RIT2: variants seen among roughly 807,000 people sequenced by gnomAD.
RIT2 encodes GTP-binding protein Rit2.
A neutral mutation model predicts 23.7 loss-of-function variants in RIT2; 24 were observed. The ratio of observed to expected loss-of-function variants is 1.01; its 90% CI spans 0.73 to 1.43. The LOEUF (loss-of-function observed/expected upper bound fraction) is 1.43, where lower values mean the gene tolerates loss of function less well. Among genes scored for constraint, RIT2 ranks in the 40% most tolerant of loss-of-function variants. The pLI is 0.00. For missense variants in RIT2, 236 were observed against 266.9 expected (o/e 0.88, Z 0.81); for synonymous variants, 107 against 91.1 (o/e 1.17, Z -0.99).
intron 4 of RIT2, among the ~76,000 whole-genome samples, chr18:42,826,439 AC>A (rs757378859): frequency 1.3e-4 from 20 of 152,220 alleles, no homozygotes; most frequent in South Asian, 2.1e-4. Flanking sequence ...ATGCAAAAAA[AC>A]ATTTCATAAA....
At chr18:42,974,793 C>T (rs998134712) in intron 2 of RIT2, among the ~76,000 whole-genome samples, 1 of 152,066 alleles carries the variant, frequency 6.6e-6, no homozygotes, top group Non-Finnish European at 1.5e-5. Flanking sequence ...ATTAAGAAAT[C>T]AATTTCATTT....
At chr18:42,996,003 T>C (rs1053877268) in intron 2 of RIT2, among the ~76,000 whole-genome samples, 4 of 152,192 alleles carry the variant, frequency 2.6e-5, no homozygotes, top group African/African-American at 9.7e-5. Context: ...AGTAAATAAA[T>C]AATCTTTGCT....
chr18:42,790,397 T>A (rs552575512), intron 4 of RIT2, among the ~76,000 whole-genome samples: 1 of 152,166 alleles, frequency 6.6e-6, no homozygotes. Flanking sequence ...GAAAAAAACA[T>A]TGGATGAGAA....
intron 4 of RIT2, among the ~76,000 whole-genome samples, chr18:42,845,846 C>T (rs1172993742): frequency 1.3e-5 from 2 of 151,686 alleles, no homozygotes; most frequent in Non-Finnish European, 2.9e-5. Flanking sequence ...AAAATACTTT[C>T]AAATATTTAG....
chr18:43,017,410 A>G (rs192588071), intron 2 of RIT2, among the ~76,000 whole-genome samples: 4 of 152,102 alleles, frequency 2.6e-5, no homozygotes, highest in African/African-American at 9.6e-5. Context: ...AATACAAAAT[A>G]TAAATATAAG....
intron 4 of RIT2, among the ~76,000 whole-genome samples, chr18:42,859,027 T>C (rs973698028): frequency 6.6e-6 from 1 of 152,178 alleles, no homozygotes; most frequent in African/African-American, 2.4e-5. Flanking sequence ...CATGTATAAG[T>C]TTTTAGGTGG....
chr18:43,069,026 T>C (rs2144332890), intron 1 of RIT2, among the ~76,000 whole-genome samples: 1 of 152,272 alleles, frequency 6.6e-6, no homozygotes, highest in African/African-American at 2.4e-5. Context: ...AGATTGGTAG[T>C]ATTTACTAAA....
intron 2 of RIT2, among the ~76,000 whole-genome samples, chr18:42,985,733 AC>A (rs1910693696): frequency 6.6e-6 from 1 of 152,122 alleles, no homozygotes; most frequent in South Asian, 2.1e-4. Flanking sequence ...TACACTATAT[AC>A]AATAAAGAAA....
chr18:42,956,191 C>T (rs759916314), intron 3 of RIT2, among the ~76,000 whole-genome samples: 51 of 152,106 alleles, frequency 3.4e-4, no homozygotes, highest in Non-Finnish European at 6.8e-4. Flanking sequence ...ATAGATCTAC[C>T]TTCCTTAGCA....
chr18:42,937,045 T>G (rs1909478660), intron 3 of RIT2, among the ~76,000 whole-genome samples: 1 of 151,680 alleles, frequency 6.6e-6, no homozygotes, highest in African/African-American at 2.4e-5. Context: ...AGAATGTGAC[T>G]TGAGGGAACC....
intron 3 of RIT2, among the ~76,000 whole-genome samples, chr18:42,946,973 G>C (rs1909743082): frequency 6.6e-6 from 1 of 151,996 alleles, no homozygotes; most frequent in South Asian, 2.1e-4. Context: ...AGATACTATG[G>C]ACCAGTAGCA....
chr18:42,761,443 T>C (rs1913300499), intron 4 of RIT2, among the ~76,000 whole-genome samples: 2 of 152,216 alleles, frequency 1.3e-5, no homozygotes, highest in South Asian at 4.1e-4. Flanking sequence ...GTAACTTTCA[T>C]GGACATTAGA....
chr18:42,821,138 T>C (rs1417268868), intron 4 of RIT2, among the ~76,000 whole-genome samples: 2 of 152,152 alleles, frequency 1.3e-5, no homozygotes, highest in Non-Finnish European at 2.9e-5. Flanking sequence ...TAGGCCTTTT[T>C]ATCTTAGTAA....
chr18:43,111,106 A>G (rs1437650041), intron 1 of RIT2, among the ~76,000 whole-genome samples: 1 of 152,200 alleles, frequency 6.6e-6, no homozygotes, highest in Non-Finnish European at 1.5e-5. Context: ...ACAATGGAAT[A>G]CTATTCAGCT....
chr18:42,886,254 C>G (rs1908019732), intron 4 of RIT2, among the ~76,000 whole-genome samples: 1 of 152,118 alleles, frequency 6.6e-6, no homozygotes, highest in African/African-American at 2.4e-5. Context: ...CTTCATCAGA[C>G]AACAGAGGAA....
At chr18:42,784,267 C>G (rs1396381930) in intron 4 of RIT2, among the ~76,000 whole-genome samples, 4 of 109,484 alleles carry the variant, frequency 3.7e-5, no homozygotes, top group African/African-American at 1.0e-4. Flanking sequence ...CTCTCCCTTG[C>G]GCTAAAAAAA....
intron 4 of RIT2, among the ~76,000 whole-genome samples, chr18:42,839,298 G>A (rs1300120086): frequency 1.3e-5 from 2 of 152,102 alleles, no homozygotes; most frequent in African/African-American, 2.4e-5. Flanking sequence ...ATAAACATTA[G>A]AAGAGCTAGA....
At chr18:42,863,417 C>T (rs764451234) in intron 4 of RIT2, among the ~76,000 whole-genome samples, 10 of 152,192 alleles carry the variant, frequency 6.6e-5, no homozygotes, top group African/African-American at 1.4e-4. Flanking sequence ...ATTATTCTTC[C>T]GTTAAATATA....
chr18:42,894,378 T>C (rs906587070), intron 4 of RIT2, among the ~76,000 whole-genome samples: 16 of 152,308 alleles, frequency 1.1e-4, no homozygotes, highest in African/African-American at 3.8e-4. Context: ...AAGAGAAACT[T>C]ATCTAAGAGG....
Sources: allele counts gnomAD v4.1 joint callset (sites outside exome capture counted in the v4.1 genomes callset), GRCh38; gene constraint gnomAD v4.1.1; transcripts MANE v1.5; gene names NCBI Gene and HGNC (gene_info 2026-07-23, HGNC 2026-07-21).